The following TLN2 variants were observed in gnomAD, a reference collection of about 807,000 sequenced individuals.
TLN2 encodes the protein talin 2, also known as talin-2.
In TLN2, 118 loss-of-function variants were observed where a neutral mutation model predicts 294.7. The observed-to-expected ratio is 0.40, with a 90% CI of 0.34 to 0.47. The LOEUF (loss-of-function observed/expected upper bound fraction) is 0.47, where lower values mean the gene tolerates loss of function less well. Ranked by LOEUF, TLN2 falls within the 20% of genes least tolerant of loss-of-function variation. TLN2 has a pLI of 0.84. For synonymous variants in TLN2, 1,431 were observed against 1,304.5 expected, an observed-to-expected ratio of 1.10 and a Z score of -2.09; for missense variants, 3,083 against 3,282.2, an observed-to-expected ratio of 0.94 and a Z score of 1.48.
At chr15:62,408,489 A>G (rs72753824) in intron 1 of TLN2, among the ~76,000 whole-genome samples, 2 of 152,202 alleles carry the variant, frequency 1.3e-5, no homozygotes, top group Non-Finnish European at 2.9e-5. Flanking sequence ...TTGTCACTGT[A>G]TAGTTCAGCT....
At position 62,843,315 on chromosome 15, in the gene TLN2, T is replaced by C. The variant is rs1244528434; in HGVS notation, c.*2705T>C. 2.6e-5 allele frequency: 4 copies of C among 152,232 alleles called. No individual in the cohort carries two copies. The highest frequency in any genetic ancestry group is 5.9e-5 in the Non-Finnish European group (4 of 68,044). 9.4% of individuals were successfully genotyped at this position (152,232 alleles called of 1,614,324 possible). A position where few individuals can be genotyped will look rare whatever the true frequency, so the allele number is the denominator to read the frequency against. Reference sequence around the variant, plus strand: ...TGAACTGGATTTCAGAACTGCCCAGTGATTTGAAAATTTAGATTTTACTTG... The same window carrying C: ...TGAACTGGATTTCAGAACTGCCCAGCGATTTGAAAATTTAGATTTTACTTG... On this transcript the variant is annotated 3_prime_UTR_variant, in exon 59 of 59. Coordinates refer to ENST00000636159, the MANE Select transcript of TLN2 (RefSeq NM_015059.3).
chr15:62,745,009 A>G (rs2061539873), intron 32 of TLN2, among the ~76,000 whole-genome samples: 1 of 152,168 alleles, frequency 6.6e-6, no homozygotes, highest in Admixed American at 6.5e-5. Context: ...TGACTGGGTG[A>G]CTTGTGCTAA....
chr15:62,645,867 G>C (rs1366539760), intron 3 of TLN2, among the ~76,000 whole-genome samples: 1 of 152,176 alleles, frequency 6.6e-6, no homozygotes, highest in Non-Finnish European at 1.5e-5. Context: ...TGCTTGCTAG[G>C]ATGACACTCA....
At chr15:62,459,368 CAT>C (rs1168473977) in intron 1 of TLN2, among the ~76,000 whole-genome samples, 3 of 146,654 alleles carry the variant, frequency 2.0e-5, no homozygotes, top group East Asian at 2.0e-4. Flanking sequence ...ACAGGGCAGA[CAT>C]GTGAATAGGA....
chr15:62,581,518 A>T (rs1258836289), intron 1 of TLN2, among the ~76,000 whole-genome samples: 3 of 152,156 alleles, frequency 2.0e-5, no homozygotes, highest in Admixed American at 6.5e-5. Flanking sequence ...AAAGGGTCCA[A>T]GTTGGAATGA....
At chr15:62,498,475 A>G (rs947691285) in intron 1 of TLN2, among the ~76,000 whole-genome samples, 6 of 152,202 alleles carry the variant, frequency 3.9e-5, no homozygotes, top group Non-Finnish European at 5.9e-5. Context: ...ATGCATATAC[A>G]GTAATCAGAG....
At chr15:62,429,947 A>C (rs1260537725) in intron 1 of TLN2, among the ~76,000 whole-genome samples, 1 of 152,238 alleles carries the variant, frequency 6.6e-6, no homozygotes, top group South Asian at 2.1e-4. Flanking sequence ...TACATAACCG[A>C]TATAAATGCG....
intron 3 of TLN2, among the ~76,000 whole-genome samples, chr15:62,620,396 T>C: frequency 6.6e-6 from 1 of 152,138 alleles, no homozygotes; most frequent in Middle Eastern, 3.2e-3. Context: ...ATCTGAACCT[T>C]TGGAAATGGC....
intron 2 of TLN2, among the ~76,000 whole-genome samples, chr15:62,610,017 A>G (rs1288670765): frequency 1.3e-5 from 2 of 152,214 alleles, no homozygotes; most frequent in South Asian, 2.1e-4. Context: ...ACTTTCTGGT[A>G]TAATAAGACC....
intron 9 of TLN2, among the ~76,000 whole-genome samples, chr15:62,672,049 G>A (rs1328851003): frequency 6.6e-6 from 1 of 152,078 alleles, no homozygotes; most frequent in Non-Finnish European, 1.5e-5. Flanking sequence ...GGGTTTAGAT[G>A]TTATCAAATC....
chr15:62,786,701 C>G (rs943172663), intron 45 of TLN2, among the ~76,000 whole-genome samples: 2 of 152,146 alleles, frequency 1.3e-5, no homozygotes, highest in Non-Finnish European at 2.9e-5. Flanking sequence ...CCCTTTCCCC[C>G]AGATGAAATG....
intron 4 of TLN2, among the ~76,000 whole-genome samples, chr15:62,648,001 C>T (rs2052099015): frequency 6.6e-6 from 1 of 152,150 alleles, no homozygotes; most frequent in Non-Finnish European, 1.5e-5. Flanking sequence ...ATTTTATTTT[C>T]CCCTTCCCTT....
intron 12 of TLN2, among the ~76,000 whole-genome samples, chr15:62,689,074 T>G (rs1295061088): frequency 2.0e-5 from 3 of 151,704 alleles, no homozygotes; most frequent in Non-Finnish European, 2.9e-5. Flanking sequence ...CTCTCTTTTT[T>G]TTTTTTTTTT....
chr15:62,454,091 C>T (rs1051009329), intron 1 of TLN2, among the ~76,000 whole-genome samples: 1 of 152,188 alleles, frequency 6.6e-6, no homozygotes, highest in Non-Finnish European at 1.5e-5. Flanking sequence ...CCCTTCAGAG[C>T]AGTGGTAGAC....
chr15:62,522,436 T>C (rs1388572703), intron 1 of TLN2, among the ~76,000 whole-genome samples: 1 of 152,148 alleles, frequency 6.6e-6, no homozygotes, highest in East Asian at 1.9e-4. Flanking sequence ...GTGGATGAAA[T>C]ACGGGTCAGC....
At chr15:62,408,316 T>C (rs1200847723) in intron 1 of TLN2, among the ~76,000 whole-genome samples, 2 of 152,208 alleles carry the variant, frequency 1.3e-5, no homozygotes, top group African/African-American at 4.8e-5. Context: ...TGTTCGAGCA[T>C]GCACAGTGCA....
At chr15:62,559,497 A>G (rs2042792245) in intron 1 of TLN2, among the ~76,000 whole-genome samples, 1 of 152,126 alleles carries the variant, frequency 6.6e-6, no homozygotes, top group African/African-American at 2.4e-5. Flanking sequence ...TGTGCTCTTT[A>G]TTCTTTAGCC....
chr15:62,551,761 C>T (rs942506545), intron 1 of TLN2, among the ~76,000 whole-genome samples: 3 of 152,186 alleles, frequency 2.0e-5, no homozygotes, highest in African/African-American at 7.2e-5. Context: ...ACCCAGCTAC[C>T]ATTACAAGCT....
chr15:62,833,706 C>T, intron 55 of TLN2, 77 bp downstream of exon 55: 1 of 1,553,676 alleles, frequency 6.4e-7, no homozygotes. Flanking sequence ...GAGCTACAAG[C>T]TTTTGTCCTG....
Sources: allele counts gnomAD v4.1 joint callset (sites outside exome capture counted in the v4.1 genomes callset), GRCh38; gene constraint gnomAD v4.1.1; transcripts MANE v1.5; gene names NCBI Gene and HGNC (gene_info 2026-07-23, HGNC 2026-07-21).